Variants in C5 observed in about 807,000 individuals in gnomAD.
C5 encodes the protein C3 and PZP-like alpha-2-macroglobulin domain-containing protein 4.
A neutral mutation model predicts 218.8 loss-of-function variants in C5; 140 were observed. The observed-to-expected ratio is 0.64, with a 90% CI of 0.56 to 0.74. The LOEUF (loss-of-function observed/expected upper bound fraction) is 0.74. Ranked by LOEUF, C5 falls within the 30% of genes least tolerant of loss-of-function variation. C5 has a pLI of 0.00. For synonymous variants in C5, 614 were observed against 682.3 expected (o/e 0.90, Z 1.56); for missense variants, 1,700 against 1,969.6 (o/e 0.86, Z 2.59).
chr9:121,074,703 A>C, the C5 span: 11 of 424,852 alleles, frequency 2.6e-5, no homozygotes, highest in African/African-American at 1.8e-4. Flanking sequence ...CACTGCGGGC[A>C]GCTGCCGCAT....
In C5 at chr9:120,974,781, CT is replaced by C; in HGVS notation, c.4014del (p.Glu1339ArgfsTer23). Reference protein sequence around the residue: ...MTDKNFLGRPVEVLLNDDLIV... With the variant: ...MTDKNFLGRPXEVLLNDDLIV... ...ACTACAGAAAGTTCTTCATTTACCT[CT>C]ACTGGCCTCCCAAGGAAATTCTTGT... is the stretch of plus-strand genomic sequence containing the variant. On this transcript the variant is annotated frameshift_variant, in exon 30 of 41. Transcript: ENST00000223642. LOFTEE classifies it high-confidence loss of function. 4 of 1,613,230 alleles carry C rather than the reference CT, an allele frequency of 2.5e-6. No individual in the cohort carries two copies. Among genetic ancestry groups the C allele is most frequent in the Non-Finnish European group, 3.4e-6 (4 of 1,179,188 alleles).
chr9:120,972,874 G>C (rs2046925082), intron 30 of C5, among the ~76,000 whole-genome samples: 1 of 152,116 alleles, frequency 6.6e-6, no homozygotes, highest in Non-Finnish European at 1.5e-5. Flanking sequence ...TGTTCTCCCT[G>C]ATAGAATATA....
intron 33 of C5, among the ~76,000 whole-genome samples, chr9:120,964,091 G>A (rs760668385): frequency 3.9e-5 from 6 of 152,162 alleles, no homozygotes; most frequent in African/African-American, 7.2e-5. Context: ...GGATTCTCAC[G>A]TTAGTTCATT....
the C5 span, among the ~76,000 whole-genome samples, chr9:121,072,812 T>TAAAA: frequency 2.6e-4 from 26 of 98,552 alleles, no homozygotes; most frequent in East Asian, 5.6e-4. Context: ...TTCAAAAAAT[T>TAAAA]AAAAAAAAAA....
At chr9:121,018,742 AAAGGAAGGAAGG>A (rs765624136) in intron 12 of C5, among the ~76,000 whole-genome samples, 1,260 of 99,192 alleles carry the variant, frequency 0.013, 25 homozygotes, top group African/African-American at 0.046. Flanking sequence ...GGAAGGAAGG[AAAGGAAGGAAGG>A]AAGGAAGGAA....
chr9:121,056,858 G>C, the C5 span, among the ~76,000 whole-genome samples: 1 of 152,050 alleles, frequency 6.6e-6, no homozygotes. Flanking sequence ...CCTAGAGAAA[G>C]ATATGAATAT....
chr9:121,042,771 G>C (rs1018364760), intron 3 of C5, among the ~76,000 whole-genome samples: 1 of 151,940 alleles, frequency 6.6e-6, no homozygotes, highest in Admixed American at 6.6e-5. Flanking sequence ...ATAAGTGATG[G>C]GGCAGGTAAT....
chr9:121,030,524 G>T, intron 6 of C5, 37 bp from the exon 7 acceptor site: 1 of 1,243,044 alleles, frequency 8.0e-7, no homozygotes, highest in South Asian at 1.3e-5. Context: ...TTACCATTTT[G>T]ATTAGAGCAG....
the C5 span, among the ~76,000 whole-genome samples, chr9:121,070,302 A>T: frequency 6.7e-6 from 1 of 149,972 alleles, no homozygotes; most frequent in Non-Finnish European, 1.5e-5. Flanking sequence ...GGTTGCGGTG[A>T]GCTGAGATCA....
chr9:121,074,647 G>A, the C5 span: 9 of 372,208 alleles, frequency 2.4e-5, no homozygotes, highest in African/African-American at 6.3e-5. Context: ...GCGTGTCCGT[G>A]TTTCAGAGGG....
intron 16 of C5, 164 bp downstream of exon 16, chr9:121,015,035 T>G (rs1040362284): frequency 6.9e-6 from 4 of 581,054 alleles, no homozygotes; most frequent in Non-Finnish European, 1.2e-5. Context: ...CTACTAGACT[T>G]TATTTGGATT....
chr9:120,963,065 C>G, intron 34 of C5, 98 bp from the exon 35 acceptor site: 1 of 940,604 alleles, frequency 1.1e-6, no homozygotes, highest in Non-Finnish European at 1.7e-6. Context: ...GGGATGTGAT[C>G]TGTAATTCAA....
rs756582774 is a variant in C5, at chr9:121,006,073, G to A, written c.2423-15C>T. 4 of 1,613,018 alleles carry A rather than the reference G, an allele frequency of 2.5e-6. No individual in the cohort carries two copies. The highest frequency in any genetic ancestry group is 3.4e-6 in the Non-Finnish European group (4 of 1,179,238). On this transcript the variant is annotated splice_polypyrimidine_tract_variant and intron_variant, in intron 19 of 40. Coordinates refer to ENST00000223642, the MANE Select transcript of C5 (RefSeq NM_001735.3). ...AACACATATACCTTCAGCCCAAAGTGGAAGCAAAGTAGAATCATATTAGGA... is the reference window on the plus strand; with the variant it reads ...AACACATATACCTTCAGCCCAAAGTAGAAGCAAAGTAGAATCATATTAGGA...
chr9:121,052,384 G>A (rs1293373380), upstream of C5, among the ~76,000 whole-genome samples: 2 of 150,692 alleles, frequency 1.3e-5, no homozygotes, highest in East Asian at 3.9e-4. Context: ...TTGAACCTGG[G>A]AGGTGGAGGT....
chr9:121,001,915 G>A (rs2047164495), intron 20 of C5, among the ~76,000 whole-genome samples: 1 of 151,878 alleles, frequency 6.6e-6, no homozygotes, highest in Non-Finnish European at 1.5e-5. Flanking sequence ...ATGCATAAAT[G>A]CAGACTTTGC....
intron 38 of C5, among the ~76,000 whole-genome samples, chr9:120,957,783 T>C (rs1204304052): frequency 6.6e-6 from 1 of 152,232 alleles, no homozygotes; most frequent in African/African-American, 2.4e-5. Flanking sequence ...AGGTCTACCA[T>C]GTGAGCTTTC....
intron 12 of C5, among the ~76,000 whole-genome samples, chr9:121,018,747 AAGGAAGGAAGG>A (rs1564154001): frequency 0.023 from 1,807 of 78,334 alleles, 69 homozygotes; most frequent in African/African-American, 0.09. Flanking sequence ...GAAGGAAAGG[AAGGAAGGAAGG>A]AAGGAAGGAA....
chr9:121,018,572 AAAAAG>A, intron 12 of C5, among the ~76,000 whole-genome samples: 1 of 115,428 alleles, frequency 8.7e-6, no homozygotes, highest in Non-Finnish European at 1.8e-5. Context: ...AGACTCCACC[AAAAAG>A]AAAGGAAGGA....
chr9:121,069,343 T>G, the C5 span, among the ~76,000 whole-genome samples: 1 of 151,946 alleles, frequency 6.6e-6, no homozygotes, highest in African/African-American at 2.4e-5. Flanking sequence ...AATAGACACT[T>G]CTCAAAAAGA....
Sources: allele counts gnomAD v4.1 joint callset (sites outside exome capture counted in the v4.1 genomes callset), GRCh38; gene constraint gnomAD v4.1.1; transcripts MANE v1.5; gene names NCBI Gene and HGNC (gene_info 2026-07-23, HGNC 2026-07-21).